Variants in IFT52 observed in about 807,000 individuals in gnomAD.
IFT52 encodes intraflagellar transport protein 52 homolog.
IFT52 carries 44 observed loss-of-function variants against 54.4 expected under a neutral mutation model. The ratio of observed to expected loss-of-function variants is 0.81; its 90% CI spans 0.63 to 1.04. The LOEUF is 1.04. IFT52 is among the 50% of genes least tolerant of loss of function. The probability of loss-of-function intolerance (pLI) is 0.00; values close to 1 mark genes in which losing one functional copy is unlikely to be tolerated. For missense variants in IFT52, 452 were observed against 523.6 expected, an observed-to-expected ratio of 0.86 and a Z score of 1.33; for synonymous variants, 181 against 185.3, an observed-to-expected ratio of 0.98 and a Z score of 0.19.
At chr20:43,591,213 C>T (rs1981483961) in intron 1 of IFT52, among the ~76,000 whole-genome samples, 159 bp downstream of exon 1, 1 of 152,246 alleles carries the variant, frequency 6.6e-6, no homozygotes, top group Non-Finnish European at 1.5e-5. Flanking sequence ...GCCCGGGTTC[C>T]TGGCGCCCCG....
At chr20:43,614,116 A>G in intron 7 of IFT52, 140 bp downstream of exon 7, 1 of 740,902 alleles carries the variant, frequency 1.3e-6, no homozygotes, top group Non-Finnish European at 2.2e-6. Flanking sequence ...TTTCAGCTAT[A>G]TACATTTTGC....
At position 43,604,241 on chromosome 20, in the gene IFT52, C is replaced by G; in HGVS notation, c.396C>G (p.Ser132=). Residue 132 remains serine (S), a synonymous_variant, in exon 5 of 14, where the codon TCC becomes TCG. Coordinates refer to ENST00000373030, the MANE Select transcript of IFT52 (RefSeq NM_016004.5). ...KYFHPKEALV[S]SGVLNREISR... ...TCCATCCTAAAGAAGCTCTAGTTTCCAGTGGAGTCTTGAACAGGTAAGCAT... is the reference window on the plus strand; with the variant it reads ...TCCATCCTAAAGAAGCTCTAGTTTCGAGTGGAGTCTTGAACAGGTAAGCAT... 2 of 1,610,520 alleles carry G rather than the reference C, an allele frequency of 1.2e-6. No individual in the cohort carries two copies. Among genetic ancestry groups the G allele is most frequent in the Non-Finnish European group, 1.7e-6 (2 of 1,176,828 alleles).
At chr20:43,613,434 TTTAAG>T (rs1212628667) in intron 6 of IFT52, among the ~76,000 whole-genome samples, 1 of 152,206 alleles carries the variant, frequency 6.6e-6, no homozygotes, top group Non-Finnish European at 1.5e-5. Context: ...TGTCCCAGTT[TTTAAG>T]TTAACAAACC....
rs1985515850 is a variant in IFT52 at position 43,636,027 on chromosome 20, C to T, written c.1011+14C>T. On this transcript the variant is annotated intron_variant, in intron 11 of 13. Coordinates refer to ENST00000373030, the MANE Select transcript of IFT52 (RefSeq NM_016004.5). The stretch of plus-strand genomic sequence containing the variant: ...CTTCAGCCTGCGGTGAGTAGGTGTG[C>T]TTGGGAGATCCCACTGCAGAGCCCC... 2 of 1,612,564 alleles carry T rather than the reference C, an allele frequency of 1.2e-6. No homozygotes were observed.
chr20:43,646,718 A>G (rs1986224482), intron 13 of IFT52, among the ~76,000 whole-genome samples: 1 of 152,128 alleles, frequency 6.6e-6, no homozygotes, highest in Non-Finnish European at 1.5e-5. Flanking sequence ...TTTGTTACTC[A>G]TCATGGTGGG....
intron 10 of IFT52, among the ~76,000 whole-genome samples, chr20:43,634,227 AGAAG>A (rs1985372998): frequency 6.7e-6 from 1 of 150,166 alleles, no homozygotes; most frequent in African/African-American, 2.5e-5. Flanking sequence ...AAAAAAAAAT[AGAAG>A]AAGAAGAAAA....
chr20:43,607,188 A>ACGGGGCGGC (rs1982974398), intron 6 of IFT52, among the ~76,000 whole-genome samples: 1 of 148,108 alleles, frequency 6.8e-6, no homozygotes, highest in African/African-American at 2.5e-5. Flanking sequence ...CACCTCCTGG[A>ACGGGGCGGC]TGGGGCGGCT....
At chr20:43,624,531 A>G (rs1984582293) in intron 10 of IFT52, among the ~76,000 whole-genome samples, 1 of 152,210 alleles carries the variant, frequency 6.6e-6, no homozygotes, top group Admixed American at 6.5e-5. Flanking sequence ...TTTAAAGATG[A>G]AAAGATCTGT....
intron 6 of IFT52, among the ~76,000 whole-genome samples, chr20:43,606,029 T>C (rs1379213754): frequency 6.6e-6 from 1 of 152,072 alleles, no homozygotes; most frequent in Non-Finnish European, 1.5e-5. Context: ...GAAACCAGCC[T>C]GGCTAACATG....
At chr20:43,614,891 C>T (rs1487229451) in intron 7 of IFT52, among the ~76,000 whole-genome samples, 3 of 151,536 alleles carry the variant, frequency 2.0e-5, no homozygotes, top group East Asian at 1.9e-4. Context: ...TCACTGCAAC[C>T]TCCGCCTACC....
chr20:43,623,901 A>G lies in IFT52; in HGVS notation c.779A>G (p.Tyr260Cys), dbSNP rs1338406743. Residue 260 changes from tyrosine (Y) to cysteine (C), a missense_variant, in exon 10 of 14, where the codon TAC (tyrosine) becomes TGC (cysteine). Coordinates refer to ENST00000373030, the MANE Select transcript of IFT52 (RefSeq NM_016004.5). ...TCTTGTGGCTTTCAGATTTCTGACT[A>G]CATGATGCTGCCCTACACAGCCACC... ...IDAEDPEISD[Y>C]MMLPYTATLS... is the part of the protein sequence containing the mutation. 6 of 1,613,904 alleles carry G rather than the reference A, an allele frequency of 3.7e-6. No homozygotes were observed. Among genetic ancestry groups the G allele is most frequent in the Non-Finnish European group, 5.1e-6 (6 of 1,179,958 alleles).
At chr20:43,639,154 C>G (rs1443810049) in intron 12 of IFT52, among the ~76,000 whole-genome samples, 4 of 149,596 alleles carry the variant, frequency 2.7e-5, no homozygotes, top group Non-Finnish European at 2.9e-5. Flanking sequence ...AAATTGGAAA[C>G]AGTCTAATGG....
Position 43,596,470 on chromosome 20 carries a change from G to C in IFT52, c.155G>C (p.Gly52Ala), listed in dbSNP as rs779105186. The change falls in exon 3 of 14, where the codon GGA becomes GCA. Residue 52 changes from glycine to alanine, a missense_variant. Coordinates refer to ENST00000373030, the MANE Select transcript of IFT52 (RefSeq NM_016004.5). The part of the protein sequence containing the change: ...KDEITSEKLN[G>A]VKLWITAGPR... ...GAAATCACATCTGAGAAGTTAAATG[G>C]AGTGAAACTGTGGATTACAGCTGGG... 3.7e-6 allele frequency: 6 copies of C among 1,606,960 alleles called. No individual in the cohort carries two copies. The African/African-American group carries it at 6.7e-5, about 18-fold the overall frequency.
chr20:43,596,382 T>G (rs1183273590), intron 2 of IFT52, 53 bp from the exon 3 acceptor site: 7 of 1,153,342 alleles, frequency 6.1e-6, no homozygotes, highest in Non-Finnish European at 7.7e-6. Flanking sequence ...AAATAATACA[T>G]AAATTGGTTT....
intron 10 of IFT52, among the ~76,000 whole-genome samples, chr20:43,632,105 A>G (rs187705952): frequency 2.4e-3 from 353 of 149,394 alleles, no homozygotes; most frequent in African/African-American, 8.3e-3. Flanking sequence ...TTGTATTTTT[A>G]GTAGAGACGG....
intron 10 of IFT52, among the ~76,000 whole-genome samples, chr20:43,631,353 C>T: frequency 1.3e-5 from 2 of 151,666 alleles, no homozygotes; most frequent in East Asian, 3.9e-4. Context: ...ATCTGCTGCT[C>T]AGTGCTAGGA....
chr20:43,629,210 C>T (rs996777517), intron 10 of IFT52, among the ~76,000 whole-genome samples: 13 of 152,110 alleles, frequency 8.5e-5, no homozygotes, highest in African/African-American at 3.1e-4. Context: ...TTTTAATTAG[C>T]TTATTTTGTA....
At chr20:43,625,634 G>A (rs776893236) in intron 10 of IFT52, among the ~76,000 whole-genome samples, 5 of 152,180 alleles carry the variant, frequency 3.3e-5, no homozygotes, top group Non-Finnish European at 7.3e-5. Flanking sequence ...AGAGGAAACA[G>A]CCAGTCCTAA....
intron 6 of IFT52, among the ~76,000 whole-genome samples, chr20:43,606,795 A>T (rs1601034570): frequency 6.6e-6 from 1 of 152,068 alleles, no homozygotes; most frequent in Non-Finnish European, 1.5e-5. Context: ...ACTCTTAACG[A>T]GCATGCTGCC....
Sources: allele counts gnomAD v4.1 joint callset (sites outside exome capture counted in the v4.1 genomes callset), GRCh38; gene constraint gnomAD v4.1.1; transcripts MANE v1.5; gene names NCBI Gene and HGNC (gene_info 2026-07-23, HGNC 2026-07-21).